The following SMYD2 variants were observed in gnomAD, a reference collection of about 807,000 sequenced individuals.
SMYD2 encodes SET and MYND domain containing 2.
A neutral mutation model predicts 59.1 loss-of-function variants in SMYD2; 53 were observed. That is an observed-to-expected ratio of 0.90 (90% CI 0.72 to 1.13). SMYD2 has a LOEUF of 1.13. Among genes scored for constraint, SMYD2 ranks in the 50% most tolerant of loss-of-function variants. The pLI is 0.00. For missense variants in SMYD2, 494 were observed against 544.7 expected (o/e 0.91, Z 0.93); for synonymous variants, 208 against 198.8 (o/e 1.05, Z -0.39).
intron 6 of SMYD2, among the ~76,000 whole-genome samples, chr1:214,325,067 C>A (rs1657239894): frequency 6.6e-6 from 1 of 152,206 alleles, no homozygotes; most frequent in Admixed American, 6.5e-5. Context: ...ACATTAATTG[C>A]CAACCAAGAA....
intron 5 of SMYD2, among the ~76,000 whole-genome samples, chr1:214,324,329 T>C (rs933378983): frequency 6.6e-6 from 1 of 152,170 alleles, no homozygotes; most frequent in African/African-American, 2.4e-5. Flanking sequence ...AGACTCCAGG[T>C]ATCTTAACTC....
Position 214,336,687 on chromosome 1 carries a change from G to A in SMYD2, c.1222-17G>A. 2 of 1,612,436 alleles carry A rather than the reference G, an allele frequency of 1.2e-6. No homozygotes were observed. Among genetic ancestry groups the A allele is most frequent in the African/African-American group, 1.3e-5 (1 of 74,974 alleles). On this transcript the variant is annotated splice_polypyrimidine_tract_variant and intron_variant, in intron 11 of 11. Transcript: ENST00000366957. ...ATTGGCTTCTAGGCTCTCATTGTTT[G>A]TCTTGCTTTTTCCTAGGCCATTGCA...
At chr1:214,294,412 A>T (rs557924005) in intron 1 of SMYD2, among the ~76,000 whole-genome samples, 144 of 152,354 alleles carry the variant, frequency 9.5e-4, no homozygotes, top group Middle Eastern at 6.8e-3. Flanking sequence ...TTACGCCTAT[A>T]TTCCCAACAC....
intron 1 of SMYD2, among the ~76,000 whole-genome samples, chr1:214,302,108 G>A (rs1656833496): frequency 6.6e-6 from 1 of 152,124 alleles, no homozygotes; most frequent in Admixed American, 6.6e-5. Flanking sequence ...TTGGAAGGCT[G>A]AGGCTGGTGG....
chr1:214,327,573 A>C (rs751934401), intron 6 of SMYD2, 49 bp from the exon 7 acceptor site: 18 of 1,458,352 alleles, frequency 1.2e-5, no homozygotes, highest in Non-Finnish European at 1.7e-5. Context: ...GAAGCTAAAC[A>C]GTCTGCCTAT....
intron 1 of SMYD2, among the ~76,000 whole-genome samples, chr1:214,285,114 A>T (rs1279463721): frequency 1.3e-5 from 2 of 152,302 alleles, no homozygotes; most frequent in East Asian, 3.9e-4. Context: ...GGCTTAGATT[A>T]GTTGTTTTAA....
At position 214,336,973 on chromosome 1, in the gene SMYD2, T is replaced by A; in HGVS notation, c.*189T>A. 2.0e-6 allele frequency: 1 copy of A among 508,470 alleles called. No individual in the cohort carries two copies. Among genetic ancestry groups the A allele is most frequent in the South Asian group, 2.8e-5 (1 of 35,718 alleles). The allele number at this position is 508,470 out of a possible 1,614,324, so 31.5% of individuals were successfully genotyped here. On this transcript the variant is annotated 3_prime_UTR_variant, in exon 12 of 12. Coordinates refer to ENST00000366957, the MANE Select transcript of SMYD2 (RefSeq NM_020197.3). ...TGAATCTTGAACTTTAATACCAAAT[T>A]AATTTTGAATGCTTTTGTTTCCTAA...
chr1:214,291,983 G>C (rs1006035809), intron 1 of SMYD2, among the ~76,000 whole-genome samples: 1 of 152,040 alleles, frequency 6.6e-6, no homozygotes, highest in Non-Finnish European at 1.5e-5. Context: ...AGGTTAACAA[G>C]GAAGTAGGGA....
At chr1:214,301,708 T>C (rs1351472785) in intron 1 of SMYD2, among the ~76,000 whole-genome samples, 1 of 149,730 alleles carries the variant, frequency 6.7e-6, no homozygotes, top group African/African-American at 2.5e-5. Context: ...ATTTCAGTAA[T>C]ATATCTGCCA....
chr1:214,297,635 A>T (rs1656755933), intron 1 of SMYD2, among the ~76,000 whole-genome samples: 1 of 152,196 alleles, frequency 6.6e-6, no homozygotes, highest in Admixed American at 6.5e-5. Flanking sequence ...CAGCCATGAG[A>T]CTTATGAAGA....
rs1657234942 is a variant in SMYD2, at chr1:214,324,720, T to C, written c.602+12T>C. ...GCGATATTTCCTGAGTAGGCTGTGT[T>C]TGACTTCATTTCTTTCCTTTTTACT... On this transcript the variant is annotated intron_variant, in intron 6 of 11. Coordinates refer to ENST00000366957, the MANE Select transcript of SMYD2 (RefSeq NM_020197.3). 6.2e-7 allele frequency: 1 copy of C among 1,604,160 alleles called. No homozygotes were observed. Among genetic ancestry groups the C allele is most frequent in the Non-Finnish European group, 8.5e-7 (1 of 1,176,550 alleles).
chr1:214,334,165 G>A (rs753155459), intron 10 of SMYD2, 35 bp from the exon 11 acceptor site: 7 of 1,595,632 alleles, frequency 4.4e-6, no homozygotes, highest in Non-Finnish European at 6.0e-6. Flanking sequence ...AGTAGCCGCT[G>A]ACATGGTGGC....
chr1:214,282,511 A>C lies in SMYD2; in HGVS notation c.173+1084A>C, dbSNP rs908158677. Among the ~76,000 whole-genome samples, 3 of 152,248 alleles carry C rather than the reference A, an allele frequency of 2.0e-5. No homozygotes were observed. The South Asian group carries it at 6.2e-4, about 32-fold the overall frequency. ...TGAACCTCAGTTTCTTCATCTTTGA[A>C]ATGGAGATTCCTGGGCTGGATTAAG... On this transcript the variant is annotated intron_variant, in intron 1 of 11. Transcript: ENST00000366957.
At chr1:214,299,465 T>TTATATATATATATATATATATATA (rs756823866) in intron 1 of SMYD2, among the ~76,000 whole-genome samples, 1,369 of 70,204 alleles carry the variant, frequency 0.02, 27 homozygotes, top group African/African-American at 0.036. Context: ...AAAGAAAACA[T>TTATATATATATATATATATATATA]TATATATATA....
chr1:214,287,443 T>C (rs1375212661), intron 1 of SMYD2, among the ~76,000 whole-genome samples: 1 of 151,840 alleles, frequency 6.6e-6, no homozygotes, highest in Non-Finnish European at 1.5e-5. Flanking sequence ...AAAAATTAGC[T>C]GGGCATAGTG....
rs1165326594 is a variant in SMYD2 at position 214,319,002 on chromosome 1, G to A, written c.534+19G>A. On this transcript the variant is annotated intron_variant, in intron 5 of 11. Transcript: ENST00000366957. ...TGCACAGGTAAGGACGCTGGCAGCA[G>A]GTAACACTCAGTCTGGCCTTTCCCT... 4.3e-6 allele frequency: 7 copies of A among 1,612,532 alleles called. No homozygotes were observed. The South Asian group carries it at 7.7e-5, about 18-fold the overall frequency.
intron 1 of SMYD2, 135 bp from the exon 2 acceptor site, chr1:214,305,052 T>G: frequency 1.2e-6 from 1 of 801,770 alleles, no homozygotes; most frequent in East Asian, 2.4e-5. Flanking sequence ...AACATGCACC[T>G]TCTCAGTGGG....
At chr1:214,330,503 G>T (rs547534068) in intron 8 of SMYD2, among the ~76,000 whole-genome samples, 8 of 152,340 alleles carry the variant, frequency 5.3e-5, no homozygotes, top group African/African-American at 1.9e-4. Context: ...CAGGAGAAAG[G>T]TCTGCCGAAC....
In SMYD2 at chr1:214,281,364, C is replaced by A; in HGVS notation, c.110C>A (p.Pro37Gln). ...GTGGGGGACTTGCTGTTCTCCTGCCCGGCCTATGCCTACGTGCTCACGGTC... is the reference window on the plus strand; with the variant it reads ...GTGGGGGACTTGCTGTTCTCCTGCCAGGCCTATGCCTACGTGCTCACGGTC... ...FQVGDLLFSC[P>Q]AYAYVLTVNE... is the part of the protein sequence containing the mutation. The change falls in exon 1 of 12, where the codon CCG becomes CAG. Residue 37 changes from proline (P) to glutamine (Q), a missense_variant. Physicochemically the swap from Pro to Gln is moderately conservative, Grantham distance 76 (BLOSUM62 -1). Transcript: ENST00000366957. 1 of 1,456,918 alleles carries A rather than the reference C, an allele frequency of 6.9e-7. No homozygotes were observed. The highest frequency in any genetic ancestry group is 9.1e-7 in the Non-Finnish European group (1 of 1,096,238). The allele number at this position is 1,456,918 out of a possible 1,614,324, so 90.2% of individuals were successfully genotyped here.
Sources: gnomAD v4.1 joint callset for allele counts (sites outside exome capture counted in the v4.1 genomes callset) on GRCh38, gnomAD v4.1.1 for gene constraint, MANE v1.5 for transcripts, NCBI Gene and HGNC (gene_info 2026-07-23, HGNC 2026-07-21) for gene names.